CCSER1: variants seen among roughly 807,000 people sequenced by gnomAD.
The protein encoded by CCSER1 is serine-rich coiled-coil domain-containing protein 1.
A neutral mutation model predicts 82.0 loss-of-function variants in CCSER1; 41 were observed. The observed-to-expected ratio is 0.50, with a 90% CI of 0.39 to 0.65. The LOEUF (loss-of-function observed/expected upper bound fraction) is 0.65, where lower values mean the gene tolerates loss of function less well. CCSER1 is among the 30% of genes least tolerant of loss of function. The probability of loss-of-function intolerance (pLI) is 0.00; values close to 1 mark genes in which losing one functional copy is unlikely to be tolerated. For synonymous variants in CCSER1, 414 were observed against 383.9 expected, an observed-to-expected ratio of 1.08 and a Z score of -0.92; for missense variants, 1,119 against 1,064.2, an observed-to-expected ratio of 1.05 and a Z score of -0.72.
chr4:90,293,598 A>G (rs1214079522), intron 1 of CCSER1, among the ~76,000 whole-genome samples: 1 of 150,722 alleles, frequency 6.6e-6, no homozygotes, highest in Non-Finnish European at 1.5e-5. Flanking sequence ...TTTATAAAAT[A>G]AAAAAAGAAA....
intron 10 of CCSER1, among the ~76,000 whole-genome samples, chr4:91,457,809 C>T (rs1756273361): frequency 6.6e-6 from 1 of 152,056 alleles, no homozygotes; most frequent in Non-Finnish European, 1.5e-5. Context: ...TGTAGGCAAG[C>T]TTTATCATCT....
chr4:91,249,958 A>AAC (rs1553916841), intron 10 of CCSER1, among the ~76,000 whole-genome samples: 27 of 151,688 alleles, frequency 1.8e-4, no homozygotes, highest in Middle Eastern at 3.4e-3. Flanking sequence ...AATAAAAAAA[A>AAC]AAAACAGCTT....
At chr4:91,338,624 T>C (rs1747482317) in intron 10 of CCSER1, among the ~76,000 whole-genome samples, 1 of 152,126 alleles carries the variant, frequency 6.6e-6, no homozygotes, top group South Asian at 2.1e-4. Context: ...ATAGTTAACA[T>C]ACTAAAGTGC....
intron 5 of CCSER1, among the ~76,000 whole-genome samples, chr4:90,575,815 G>A (rs1280198820): frequency 6.6e-6 from 1 of 151,612 alleles, no homozygotes; most frequent in East Asian, 1.9e-4. Flanking sequence ...TAAGAATTTT[G>A]AAATCTTTGT....
chr4:91,148,582 C>T (rs1489852347), intron 10 of CCSER1, among the ~76,000 whole-genome samples: 2 of 151,930 alleles, frequency 1.3e-5, no homozygotes, highest in African/African-American at 4.8e-5. Flanking sequence ...TGTGCTGCAC[C>T]CATTAACTCA....
chr4:91,444,153 C>T (rs1158523129), intron 10 of CCSER1, among the ~76,000 whole-genome samples: 1 of 151,940 alleles, frequency 6.6e-6, no homozygotes, highest in East Asian at 1.9e-4. Context: ...AGATATTTTC[C>T]TTAGTCTTCA....
At chr4:91,077,067 T>C (rs1247509835) in intron 9 of CCSER1, among the ~76,000 whole-genome samples, 1 of 152,104 alleles carries the variant, frequency 6.6e-6, no homozygotes, top group African/African-American at 2.4e-5. Context: ...AAAGAACAAC[T>C]GTGAGAAAAG....
chr4:90,338,354 C>T (rs746290455), intron 3 of CCSER1, among the ~76,000 whole-genome samples: 8 of 152,116 alleles, frequency 5.3e-5, no homozygotes, highest in Admixed American at 2.0e-4. Context: ...TTTCAATTTT[C>T]TTTTCCTTCT....
intron 10 of CCSER1, among the ~76,000 whole-genome samples, chr4:91,211,064 G>A (rs1166402832): frequency 2.0e-5 from 3 of 152,048 alleles, no homozygotes; most frequent in African/African-American, 4.8e-5. Flanking sequence ...ATTGGGAAAT[G>A]ATTCATGATT....
intron 10 of CCSER1, among the ~76,000 whole-genome samples, chr4:91,506,152 G>A (rs2110104082): frequency 6.6e-6 from 1 of 152,108 alleles, no homozygotes; most frequent in African/African-American, 2.4e-5. Context: ...TTCTGCATAT[G>A]GCTAGCCAGT....
At chr4:90,227,063 G>A (rs893231479) in intron 1 of CCSER1, among the ~76,000 whole-genome samples, 1 of 152,188 alleles carries the variant, frequency 6.6e-6, no homozygotes, top group Non-Finnish European at 1.5e-5. Flanking sequence ...GATCTGCCTT[G>A]TGGTCTGAAG....
At position 90,731,633 on chromosome 4, in the gene CCSER1, T is replaced by C. The variant is rs1173120112; in HGVS notation, c.2010+7642T>C. ...AATAGGTATATATTTGAGGAACCAA[T>C]GTATTTTATAAAAATCATTTTAAAT... On this transcript the variant is annotated intron_variant, in intron 7 of 10. Coordinates refer to ENST00000509176, the MANE Select transcript of CCSER1 (RefSeq NM_001145065.2). Among the ~76,000 whole-genome samples the C allele has an allele frequency of 5.3e-5, 8 of 152,298 alleles. No homozygotes were observed. In the South Asian group the frequency reaches 1.2e-3, roughly 24 times the overall value.
intron 5 of CCSER1, among the ~76,000 whole-genome samples, chr4:90,609,491 C>T (rs915343143): frequency 7.5e-6 from 1 of 134,102 alleles, no homozygotes; most frequent in Admixed American, 7.2e-5. Flanking sequence ...TAGAACAAAA[C>T]TTATTCTGAA....
intron 1 of CCSER1, among the ~76,000 whole-genome samples, chr4:90,240,412 G>T (rs114601086): frequency 6.6e-6 from 1 of 152,074 alleles, no homozygotes; most frequent in Non-Finnish European, 1.5e-5. Context: ...GCAACCACAC[G>T]TTCTTATACC....
chr4:90,872,926 A>G lies in CCSER1; in HGVS notation c.2095-50444A>G, dbSNP rs1263460882. 7.9e-5 allele frequency among the ~76,000 whole-genome samples: 12 copies of G among 151,990 alleles called. 1 individual carries two copies. The highest frequency in any genetic ancestry group is 7.9e-4 in the Admixed American group (12 of 15,226). On this transcript the variant is annotated intron_variant, in intron 8 of 10. Coordinates refer to ENST00000509176, the MANE Select transcript of CCSER1 (RefSeq NM_001145065.2). Reference sequence around the variant, plus strand: ...TCTCCTGGCATATCAGGTTTCTACTAAGTCCCCTGCCAAACATATTGGAGC... The same window carrying G: ...TCTCCTGGCATATCAGGTTTCTACTGAGTCCCCTGCCAAACATATTGGAGC...
At chr4:91,334,857 C>T (rs1474996984) in intron 10 of CCSER1, among the ~76,000 whole-genome samples, 1 of 151,752 alleles carries the variant, frequency 6.6e-6, no homozygotes, top group African/African-American at 2.4e-5. Flanking sequence ...ATCTGTAAAG[C>T]TCACTTGGTG....
intron 5 of CCSER1, among the ~76,000 whole-genome samples, chr4:90,469,907 A>C (rs1764134708): frequency 6.6e-6 from 1 of 152,294 alleles, no homozygotes; most frequent in East Asian, 1.9e-4. Flanking sequence ...TATTTGTATT[A>C]TATTAGTTGA....
intron 10 of CCSER1, among the ~76,000 whole-genome samples, chr4:91,331,152 T>A (rs1251103167): frequency 1.3e-5 from 2 of 152,110 alleles, no homozygotes; most frequent in African/African-American, 4.8e-5. Context: ...GGAAAGTATC[T>A]TAGAAGGTAT....
intron 5 of CCSER1, among the ~76,000 whole-genome samples, chr4:90,472,932 G>A (rs1764589220): frequency 6.6e-6 from 1 of 152,134 alleles, no homozygotes; most frequent in African/African-American, 2.4e-5. Flanking sequence ...ATTATCCTAA[G>A]TGAAATAACT....
Sources: allele counts gnomAD v4.1 joint callset (sites outside exome capture counted in the v4.1 genomes callset), GRCh38; gene constraint gnomAD v4.1.1; transcripts MANE v1.5; gene names NCBI Gene and HGNC (gene_info 2026-07-23, HGNC 2026-07-21).